RBFOX1: variants seen among roughly 807,000 people sequenced by gnomAD.
The protein encoded by RBFOX1 is RNA binding fox-1 homolog 1.
RBFOX1 carries 8 observed loss-of-function variants against 57.7 expected under a neutral mutation model. That is an observed-to-expected ratio of 0.14 (90% CI 0.08 to 0.25). RBFOX1 has a LOEUF of 0.25. Ranked by LOEUF, RBFOX1 falls within the 10% of genes least tolerant of loss-of-function variation. RBFOX1 has a pLI of 1.00. For missense variants in RBFOX1, 611 were observed against 548.5 expected, an observed-to-expected ratio of 1.11 and a Z score of -1.14; for synonymous variants, 326 against 222.4, an observed-to-expected ratio of 1.47 and a Z score of -4.15.
intron 4 of RBFOX1, among the ~76,000 whole-genome samples, chr16:7,515,621 A>T (rs537210780): frequency 6.6e-6 from 1 of 152,304 alleles, no homozygotes; most frequent in Non-Finnish European, 1.5e-5. Flanking sequence ...TTTTATGTTA[A>T]TGGTATCTTA....
intron 3 of RBFOX1, among the ~76,000 whole-genome samples, chr16:7,015,724 A>G (rs928948980): frequency 6.6e-6 from 1 of 152,018 alleles, no homozygotes; most frequent in Non-Finnish European, 1.5e-5. Context: ...ATTATGTTCC[A>G]TTCCATTCCC....
intron 2 of RBFOX1, among the ~76,000 whole-genome samples, chr16:6,549,531 AGGAGGAG>A: frequency 3.0e-5 from 2 of 67,770 alleles, no homozygotes; most frequent in African/African-American, 1.2e-4. Context: ...AGGAGGGAGG[AGGAGGAG>A]GGGAGGAGGA....
chr16:5,241,660 A>G (rs954095542), intron 1 of RBFOX1, among the ~76,000 whole-genome samples: 5 of 152,208 alleles, frequency 3.3e-5, no homozygotes, highest in African/African-American at 1.2e-4. Context: ...TGGGGTTGTT[A>G]CTGCTGAGAT....
intron 3 of RBFOX1, among the ~76,000 whole-genome samples, chr16:5,700,888 G>T (rs1389541237): frequency 6.6e-6 from 1 of 152,136 alleles, no homozygotes; most frequent in Non-Finnish European, 1.5e-5. Flanking sequence ...TCCACTCCAG[G>T]AGCTGAGCAT....
intron 3 of RBFOX1, among the ~76,000 whole-genome samples, chr16:6,888,052 G>A (rs1414263091): frequency 1.3e-5 from 2 of 151,988 alleles, no homozygotes; most frequent in Non-Finnish European, 2.9e-5. Context: ...TGTCTGATTT[G>A]GGGAAGACGT....
At chr16:5,458,195 A>G (rs2068687895) in intron 1 of RBFOX1, among the ~76,000 whole-genome samples, 1 of 152,244 alleles carries the variant, frequency 6.6e-6, no homozygotes, top group Non-Finnish European at 1.5e-5. Flanking sequence ...TTTAAAAATT[A>G]AGTGCTGGAT....
chr16:6,008,955 T>C (rs140887714), intron 4 of RBFOX1, among the ~76,000 whole-genome samples: 3 of 152,218 alleles, frequency 2.0e-5, no homozygotes, highest in African/African-American at 7.2e-5. Flanking sequence ...GGCTTTCTCA[T>C]TGACAGCCTC....
chr16:7,616,879 A>T (rs1321066279), intron 10 of RBFOX1, among the ~76,000 whole-genome samples: 1 of 152,096 alleles, frequency 6.6e-6, no homozygotes, highest in Non-Finnish European at 1.5e-5. Flanking sequence ...CTGATATTTT[A>T]TCTCCCAGGA....
At chr16:7,414,884 C>T (rs1203292614) in intron 4 of RBFOX1, among the ~76,000 whole-genome samples, 1 of 152,204 alleles carries the variant, frequency 6.6e-6, no homozygotes, top group South Asian at 2.1e-4. Flanking sequence ...TTCTAAAATG[C>T]TGGGATTACA....
chr16:5,772,582 A>C (rs1044891298), intron 3 of RBFOX1, among the ~76,000 whole-genome samples: 1 of 152,220 alleles, frequency 6.6e-6, no homozygotes, highest in Non-Finnish European at 1.5e-5. Flanking sequence ...GCATATCTGC[A>C]AGTATTTATT....
intron 11 of RBFOX1, among the ~76,000 whole-genome samples, chr16:7,640,453 C>T (rs1313944214): frequency 1.3e-5 from 2 of 152,176 alleles, no homozygotes; most frequent in African/African-American, 4.8e-5. Context: ...TGGTGTGCCC[C>T]CAAACATCTT....
intron 3 of RBFOX1, among the ~76,000 whole-genome samples, chr16:6,767,869 G>T (rs548823165): frequency 6.6e-6 from 1 of 150,520 alleles, no homozygotes; most frequent in East Asian, 2.0e-4. Context: ...AGCCGAGATC[G>T]CGCCATTGCA....
intron 4 of RBFOX1, among the ~76,000 whole-genome samples, chr16:7,424,435 T>C (rs1302054943): frequency 1.3e-5 from 2 of 152,136 alleles, no homozygotes; most frequent in South Asian, 4.1e-4. Flanking sequence ...ACTTTTTGTA[T>C]TTTTAGTAGA....
intron 14 of RBFOX1, among the ~76,000 whole-genome samples, chr16:7,704,353 GCCAGTGTTTTGCAAA>G (rs1275214471): frequency 6.6e-6 from 1 of 152,120 alleles, no homozygotes; most frequent in Non-Finnish European, 1.5e-5. Flanking sequence ...TGGCAACTTG[GCCAGTGTTTTGCAAA>G]CTCACAGAAA....
chr16:6,485,836 A>G (rs1055034132), intron 2 of RBFOX1, among the ~76,000 whole-genome samples: 7 of 152,086 alleles, frequency 4.6e-5, no homozygotes, highest in African/African-American at 1.4e-4. Context: ...TGTTTTTCCT[A>G]TCACTTGTCT....
At chr16:6,683,051 A>C (rs1037558645) in intron 3 of RBFOX1, among the ~76,000 whole-genome samples, 2 of 152,022 alleles carry the variant, frequency 1.3e-5, no homozygotes, top group African/African-American at 4.8e-5. Context: ...CTTTTAGGAG[A>C]GGAATGCGTG....
At chr16:6,977,398 C>G (rs1292939618) in intron 3 of RBFOX1, among the ~76,000 whole-genome samples, 2 of 152,018 alleles carry the variant, frequency 1.3e-5, no homozygotes, top group East Asian at 1.9e-4. Context: ...ACTCGCAAGT[C>G]TGGTTCTGTT....
chr16:5,717,578 A>G (rs535874776), intron 3 of RBFOX1, among the ~76,000 whole-genome samples: 12 of 152,008 alleles, frequency 7.9e-5, no homozygotes, highest in African/African-American at 2.9e-4. Flanking sequence ...CTTAGCTCCC[A>G]CTTATAAGTG....
At chr16:5,497,844 T>C (rs947233843) in intron 2 of RBFOX1, among the ~76,000 whole-genome samples, 1 of 152,136 alleles carries the variant, frequency 6.6e-6, no homozygotes, top group Non-Finnish European at 1.5e-5. Context: ...AACAAAGTGA[T>C]GAAATCAAAG....
Sources: gnomAD v4.1 joint callset for allele counts (sites outside exome capture counted in the v4.1 genomes callset) on GRCh38, gnomAD v4.1.1 for gene constraint, MANE v1.5 for transcripts, NCBI Gene and HGNC (gene_info 2026-07-23, HGNC 2026-07-21) for gene names.